The following PARD3 variants were observed in gnomAD, a reference collection of about 807,000 sequenced individuals.
The protein encoded by PARD3 is partitioning defective 3 homolog.
In PARD3, 75 loss-of-function variants were observed where a neutral mutation model predicts 155.4. The observed-to-expected ratio is 0.48, with a 90% CI of 0.40 to 0.58. The LOEUF is 0.58. Ranked by LOEUF, PARD3 falls within the 20% of genes least tolerant of loss-of-function variation. PARD3 has a pLI of 0.00. For missense variants in PARD3, 1,642 were observed against 1,721.7 expected (o/e 0.95, Z 0.82); for synonymous variants, 576 against 610.5 (o/e 0.94, Z 0.83).
chr10:34,773,225 A>T (rs1280093232), intron 1 of PARD3, among the ~76,000 whole-genome samples: 1 of 152,234 alleles, frequency 6.6e-6, no homozygotes, highest in African/African-American at 2.4e-5. Context: ...CTTAGATATT[A>T]TGTTAGTTAT....
intron 3 of PARD3, among the ~76,000 whole-genome samples, chr10:34,484,702 G>A (rs1230137573): frequency 1.3e-5 from 2 of 152,160 alleles, no homozygotes; most frequent in Non-Finnish European, 2.9e-5. Context: ...GCACTTCAGC[G>A]TGATCCTGCT....
At chr10:34,139,623 G>C (rs1030882912) in intron 22 of PARD3, among the ~76,000 whole-genome samples, 2 of 152,200 alleles carry the variant, frequency 1.3e-5, no homozygotes. Context: ...GACTCCGGGA[G>C]AAACAGATGT....
chr10:34,707,396 T>C (rs543767730), intron 1 of PARD3, among the ~76,000 whole-genome samples: 89 of 152,246 alleles, frequency 5.8e-4, no homozygotes, highest in Non-Finnish European at 8.1e-4. Flanking sequence ...CATCACCTGA[T>C]AATACACTGG....
intron 23 of PARD3, among the ~76,000 whole-genome samples, chr10:34,125,797 T>C (rs1947257243): frequency 6.6e-6 from 1 of 152,206 alleles, no homozygotes; most frequent in Non-Finnish European, 1.5e-5. Flanking sequence ...AGGACTAAAC[T>C]ACTTTCAGTC....
intron 3 of PARD3, among the ~76,000 whole-genome samples, chr10:34,492,351 AC>A (rs1273229314): frequency 6.6e-6 from 1 of 152,042 alleles, no homozygotes; most frequent in Non-Finnish European, 1.5e-5. Flanking sequence ...ACTTCAAAAC[AC>A]CGATTCAAAC....
rs1841964328 is a variant in PARD3, at chr10:34,382,578, T to C, written c.1361A>G (p.Lys454Arg). 1 of 1,613,508 alleles carries C rather than the reference T, an allele frequency of 6.2e-7. No homozygotes were observed. The highest frequency in any genetic ancestry group is 1.3e-5 in the African/African-American group (1 of 75,030). Residue 454 changes from lysine to arginine, a missense_variant, in exon 9 of 25, where the codon AAA becomes AGA. Transcript: ENST00000374788. Reference sequence around the variant, plus strand: ...GATATTAAGCCTCTTGCCTATTTTTTTGGTGTTATAACCACTGCTTACAGT... The same window carrying C: ...GATATTAAGCCTCTTGCCTATTTTTCTGGTGTTATAACCACTGCTTACAGT... The part of the protein sequence containing the change: ...STTVSSGYNT[K>R]KIGKRLNIQL...
chr10:34,269,881 T>C lies in PARD3; in HGVS notation c.3195A>G (p.Arg1065=). 7 of 1,613,710 alleles carry C rather than the reference T, an allele frequency of 4.3e-6. No homozygotes were observed. Among genetic ancestry groups the C allele is most frequent in the Non-Finnish European group, 5.9e-6 (7 of 1,179,832 alleles). Reference sequence around the variant, plus strand: ...CTCGAGCTTGTCGTTCCCTAAATTCTCGAGTTTTGGCTTGAATCCTATGAA... The same window carrying C: ...CTCGAGCTTGTCGTTCCCTAAATTCCCGAGTTTTGGCTTGAATCCTATGAA... ...QEQERIQAKT[R]EFRERQARER... Residue 1065 remains arginine (R), a synonymous_variant, in exon 22 of 25, where the codon CGA becomes CGG. Coordinates refer to ENST00000374788, the MANE Select transcript of PARD3 (RefSeq NM_001184785.2).
intron 2 of PARD3, among the ~76,000 whole-genome samples, chr10:34,634,796 C>T (rs1454488094): frequency 6.6e-6 from 1 of 152,162 alleles, no homozygotes; most frequent in Non-Finnish European, 1.5e-5. Context: ...GAACTGGGAG[C>T]TTTTTCAGTT....
chr10:34,626,308 T>C (rs1296547453), intron 2 of PARD3, among the ~76,000 whole-genome samples: 1 of 152,186 alleles, frequency 6.6e-6, no homozygotes, highest in East Asian at 1.9e-4. Context: ...GCAGCCCTTT[T>C]CAAGTCACTC....
At chr10:34,761,395 A>G (rs905584632) in intron 1 of PARD3, among the ~76,000 whole-genome samples, 2 of 152,220 alleles carry the variant, frequency 1.3e-5, no homozygotes, top group Admixed American at 1.3e-4. Context: ...TGGGTAACAC[A>G]GCGAGACTCT....
At chr10:34,369,218 G>A (rs377109025) in intron 12 of PARD3, among the ~76,000 whole-genome samples, 5 of 152,112 alleles carry the variant, frequency 3.3e-5, no homozygotes, top group Admixed American at 2.0e-4. Context: ...TCTGTGGGCC[G>A]CATGTGGTCC....
intron 22 of PARD3, among the ~76,000 whole-genome samples, chr10:34,267,801 C>G (rs1019003547): frequency 6.6e-6 from 1 of 152,158 alleles, no homozygotes; most frequent in African/African-American, 2.4e-5. Flanking sequence ...AGCATCAAAC[C>G]TGGACATGGG....
intron 22 of PARD3, among the ~76,000 whole-genome samples, chr10:34,169,224 A>T (rs1271419267): frequency 6.6e-6 from 1 of 152,226 alleles, no homozygotes; most frequent in Non-Finnish European, 1.5e-5. Context: ...TGCAGGAAAT[A>T]GAAAGAAGAT....
intron 2 of PARD3, among the ~76,000 whole-genome samples, chr10:34,543,206 G>A (rs1469968683): frequency 2.0e-5 from 3 of 151,962 alleles, no homozygotes; most frequent in Admixed American, 6.6e-5. Context: ...AGAAGGTTGA[G>A]GCTACCATGA....
Position 34,374,999 on chromosome 10 carries a change from T to C in PARD3, c.1543A>G (p.Asn515Asp). The change falls in exon 11 of 25, where the codon AAT becomes GAT. Residue 515 changes from asparagine to aspartate, a missense_variant. By Grantham distance (23) the Asn-to-Asp change is conservative (BLOSUM62 1). This residue lies in a region of PARD3 where 1,529 missense variants were observed against 1,587.3 expected (regional missense o/e 0.96). Coordinates refer to ENST00000374788, the MANE Select transcript of PARD3 (RefSeq NM_001184785.2). ...LKAGDRLIEV[N>D]GVDLVGKSQE... Reference sequence around the variant, plus strand: ...GATTTGCCCACTAAATCTACTCCATTTACCTAAAACAAAACAAAAGTTTTC... The same window carrying C: ...GATTTGCCCACTAAATCTACTCCATCTACCTAAAACAAAACAAAAGTTTTC... The C allele has an allele frequency of 6.2e-7, 1 of 1,610,026 alleles. No individual in the cohort carries two copies. The highest frequency in any genetic ancestry group is 8.5e-7 in the Non-Finnish European group (1 of 1,179,220).
chr10:34,288,263 G>A (rs1427115196), intron 20 of PARD3, among the ~76,000 whole-genome samples: 1 of 152,038 alleles, frequency 6.6e-6, no homozygotes, highest in African/African-American at 2.4e-5. Flanking sequence ...GAAACCATAT[G>A]TAAAACGTTT....
At chr10:34,724,045 G>A (rs988324237) in intron 1 of PARD3, among the ~76,000 whole-genome samples, 5 of 152,182 alleles carry the variant, frequency 3.3e-5, no homozygotes, top group African/African-American at 4.8e-5. Context: ...GAGGGAAACA[G>A]GAGTGCACAT....
chr10:34,227,141 A>G (rs1952640007), intron 22 of PARD3, among the ~76,000 whole-genome samples: 1 of 152,252 alleles, frequency 6.6e-6, no homozygotes. Flanking sequence ...AATATCTGGA[A>G]TCTATAAGAA....
chr10:34,395,600 G>C (rs1367054627), intron 7 of PARD3, among the ~76,000 whole-genome samples: 1 of 30,262 alleles, frequency 3.3e-5, no homozygotes, highest in Non-Finnish European at 5.3e-5. Flanking sequence ...CACTTTGGGA[G>C]GCCGAGGCGG....
Sources: allele counts gnomAD v4.1 joint callset (sites outside exome capture counted in the v4.1 genomes callset), GRCh38; gene constraint gnomAD v4.1.1; regional missense constraint gnomAD v4.1.1; transcripts MANE v1.5; gene names NCBI Gene and HGNC (gene_info 2026-07-23, HGNC 2026-07-21).